The following ASCC3 variants were observed in gnomAD, a reference collection of about 807,000 sequenced individuals.
The protein encoded by ASCC3 is activating signal cointegrator 1 complex subunit 3, also known as ASC-1 complex subunit P200.
A neutral mutation model predicts 256.3 loss-of-function variants in ASCC3; 158 were observed. That is an observed-to-expected ratio of 0.62 (90% CI 0.54 to 0.70). The LOEUF is 0.70. ASCC3 is among the 30% of genes least tolerant of loss of function. ASCC3 has a pLI of 0.00. For missense variants in ASCC3, 2,259 were observed against 2,626.0 expected (o/e 0.86, Z 3.05); for synonymous variants, 948 against 883.4 (o/e 1.07, Z -1.30).
chr6:100,679,100 C>T (rs1343671056), intron 14 of ASCC3, among the ~76,000 whole-genome samples: 1 of 151,876 alleles, frequency 6.6e-6, no homozygotes, highest in African/African-American at 2.4e-5. Context: ...TAAAGGTCTC[C>T]CTTTTTAAAA....
intron 36 of ASCC3, among the ~76,000 whole-genome samples, chr6:100,559,332 C>T (rs1195772788): frequency 6.6e-6 from 1 of 152,052 alleles, no homozygotes. Flanking sequence ...CAAATAAATT[C>T]CTTCTGTTTT....
At chr6:100,662,613 C>T (rs1166640283) in intron 14 of ASCC3, 77 bp from the exon 15 acceptor site, 2 of 1,371,646 alleles carry the variant, frequency 1.5e-6, no homozygotes, top group African/African-American at 2.9e-5. Flanking sequence ...TGTATGAGTT[C>T]ATCAAAGAAA....
intron 16 of ASCC3, among the ~76,000 whole-genome samples, chr6:100,658,031 A>G (rs1425193300): frequency 6.6e-6 from 1 of 151,554 alleles, no homozygotes; most frequent in Non-Finnish European, 1.5e-5. Context: ...GCCTGTGCTG[A>G]GTAAAGCACA....
chr6:100,721,105 G>T (rs939744118), intron 11 of ASCC3, among the ~76,000 whole-genome samples: 3 of 151,350 alleles, frequency 2.0e-5, no homozygotes, highest in African/African-American at 4.8e-5. Context: ...CATACATACA[G>T]AAAGGATTAG....
intron 10 of ASCC3, among the ~76,000 whole-genome samples, chr6:100,733,510 C>T (rs887977671): frequency 7.9e-5 from 12 of 152,134 alleles, no homozygotes; most frequent in African/African-American, 2.2e-4. Flanking sequence ...TGCTTTCCGC[C>T]ACTTAGCTGA....
chr6:100,641,851 A>T (rs571487755), intron 24 of ASCC3, among the ~76,000 whole-genome samples: 8 of 152,164 alleles, frequency 5.3e-5, no homozygotes, highest in Non-Finnish European at 8.8e-5. Flanking sequence ...GGATGAGTGC[A>T]TGTCCTTTGT....
chr6:100,866,278 A>G (rs1260381620), intron 2 of ASCC3, among the ~76,000 whole-genome samples: 1 of 152,196 alleles, frequency 6.6e-6, no homozygotes, highest in Non-Finnish European at 1.5e-5. Context: ...CCCTAGAGAT[A>G]AATAATTTCA....
intron 10 of ASCC3, among the ~76,000 whole-genome samples, chr6:100,758,538 T>C (rs1781290396): frequency 6.6e-6 from 1 of 152,200 alleles, no homozygotes; most frequent in Non-Finnish European, 1.5e-5. Context: ...GGTTTCCAGC[T>C]TCATCCATGT....
chr6:100,818,560 C>A lies in ASCC3; in HGVS notation c.802-12680G>T, dbSNP rs1770869232. Reference sequence around the variant, plus strand: ...CTCTAGCCTGGATGACAGGGCAAGACTCCGTCTCAAAAAAAAAAAAAAAAG... The same window carrying A: ...CTCTAGCCTGGATGACAGGGCAAGAATCCGTCTCAAAAAAAAAAAAAAAAG... On this transcript the variant is annotated intron_variant, in intron 4 of 41. Coordinates refer to ENST00000369162, the MANE Select transcript of ASCC3 (RefSeq NM_006828.4). Among the ~76,000 whole-genome samples the A allele has an allele frequency of 2.4e-5, 3 of 124,330 alleles. No individual in the cohort carries two copies. The Admixed American group carries it at 2.6e-4, about 11-fold the overall frequency. 81.6% of individuals were successfully genotyped at this position (124,330 alleles called of 152,430 possible). A position where few individuals can be genotyped will look rare whatever the true frequency, so the allele number is the denominator to read the frequency against.
intron 36 of ASCC3, among the ~76,000 whole-genome samples, chr6:100,569,649 G>A (rs1328912581): frequency 1.3e-5 from 2 of 152,166 alleles, no homozygotes; most frequent in East Asian, 1.9e-4. Context: ...CTCCCAAAAT[G>A]CTGGGATTAC....
chr6:100,777,562 A>T (rs1339031142), intron 8 of ASCC3, among the ~76,000 whole-genome samples: 1 of 152,162 alleles, frequency 6.6e-6, no homozygotes, highest in African/African-American at 2.4e-5. Context: ...ATGGGGAGTG[A>T]GACATAACAG....
chr6:100,835,827 G>C (rs770164060), intron 4 of ASCC3, among the ~76,000 whole-genome samples: 3 of 152,026 alleles, frequency 2.0e-5, no homozygotes, highest in African/African-American at 7.2e-5. Flanking sequence ...ACTGCCTATA[G>C]ATCACTTTAG....
intron 4 of ASCC3, among the ~76,000 whole-genome samples, chr6:100,827,568 C>T (rs545319477): frequency 1.3e-5 from 2 of 152,072 alleles, no homozygotes; most frequent in South Asian, 2.1e-4. Flanking sequence ...CAGTGTTTAC[C>T]CATTTACCTA....
chr6:100,614,467 G>A (rs370882619), intron 30 of ASCC3, among the ~76,000 whole-genome samples: 207 of 152,202 alleles, frequency 1.4e-3, no homozygotes, highest in South Asian at 0.012. Flanking sequence ...TATCTTAAAC[G>A]TATTAACACA....
At chr6:100,755,012 T>C (rs1234400184) in intron 10 of ASCC3, among the ~76,000 whole-genome samples, 1 of 152,120 alleles carries the variant, frequency 6.6e-6, no homozygotes, top group Non-Finnish European at 1.5e-5. Flanking sequence ...CCTCTTTTTC[T>C]TTATAAATTA....
At chr6:100,872,820 A>C (rs1490245336) in intron 1 of ASCC3, among the ~76,000 whole-genome samples, 3 of 152,198 alleles carry the variant, frequency 2.0e-5, no homozygotes, top group Non-Finnish European at 4.4e-5. Context: ...TCAGGAAGCC[A>C]TATCCCTAGG....
chr6:100,710,950 C>T (rs1161148955), intron 13 of ASCC3, among the ~76,000 whole-genome samples: 1 of 152,068 alleles, frequency 6.6e-6, no homozygotes, highest in Non-Finnish European at 1.5e-5. Flanking sequence ...AGCTGTGGTA[C>T]TGGCAGTAAT....
chr6:100,829,452 A>G (rs1459783720), intron 4 of ASCC3, among the ~76,000 whole-genome samples: 1 of 152,030 alleles, frequency 6.6e-6, no homozygotes, highest in Non-Finnish European at 1.5e-5. Flanking sequence ...CTCATTGCCC[A>G]GGGCTGGCGG....
At chr6:100,628,341 G>T (rs1774355626) in intron 27 of ASCC3, among the ~76,000 whole-genome samples, 3 of 152,182 alleles carry the variant, frequency 2.0e-5, no homozygotes, top group South Asian at 4.1e-4. Flanking sequence ...CAATTGTACA[G>T]CAGTGTGACA....
Sources: allele counts gnomAD v4.1 joint callset (sites outside exome capture counted in the v4.1 genomes callset), GRCh38; gene constraint gnomAD v4.1.1; transcripts MANE v1.5; gene names NCBI Gene and HGNC (gene_info 2026-07-23, HGNC 2026-07-21).